TPO: variants seen among roughly 807,000 people sequenced by gnomAD.
TPO encodes thyroid peroxidase.
TPO carries 78 observed loss-of-function variants against 96.9 expected under a neutral mutation model. That is an observed-to-expected ratio of 0.81 (90% confidence interval 0.67 to 0.97). The LOEUF (loss-of-function observed/expected upper bound fraction) is 0.97, where lower values mean the gene tolerates loss of function less well. Among genes scored for constraint, TPO ranks in the 50% least tolerant of loss-of-function variants. The pLI, the probability that TPO is intolerant of heterozygous loss-of-function variation, is 0.00. For missense variants in TPO, 1,252 were observed against 1,274.8 expected, an observed-to-expected ratio of 0.98 and a Z score of 0.27; for synonymous variants, 547 against 538.0, an observed-to-expected ratio of 1.02 and a Z score of -0.23.
chr2:1,456,087 G>A lies in TPO; in HGVS notation c.624G>A (p.Val208=), dbSNP rs1667757636. 1 of 1,613,784 alleles carries A rather than the reference G, an allele frequency of 6.2e-7. No individual in the cohort carries two copies. Among genetic ancestry groups the A allele is most frequent in the African/African-American group, 1.3e-5 (1 of 74,920 alleles). The change falls in exon 7 of 17, where the codon GTG becomes GTA. Residue 208 remains valine (V), a synonymous_variant. Transcript: ENST00000329066. ...CTCTTCCTACCCAGGTCCGGGAGGTGACAAGACATGTCATTCAAGTTTCAA... is the reference window on the plus strand; with the variant it reads ...CTCTTCCTACCCAGGTCCGGGAGGTAACAAGACATGTCATTCAAGTTTCAA... ...NGFPLPPVRE[V]TRHVIQVSNE...
chr2:1,523,765 G>A (rs918326684), intron 15 of TPO, among the ~76,000 whole-genome samples: 3 of 83,460 alleles, frequency 3.6e-5, no homozygotes, highest in South Asian at 3.9e-4. Flanking sequence ...TACCGCCACT[G>A]TGTGCAACCT....
rs746900260 is a variant in TPO at position 1,484,981 on chromosome 2, A to G, written c.1597+127A>G. The G allele has an allele frequency of 7.0e-6, 10 of 1,428,220 alleles. No individual in the cohort carries two copies. The African/African-American group carries it at 7.2e-5, about 10-fold the overall frequency. 88.5% of individuals were successfully genotyped at this position (1,428,220 alleles called of 1,614,324 possible). A position where few individuals can be genotyped will look rare whatever the true frequency, so the allele number is the denominator to read the frequency against. On this transcript the variant is annotated intron_variant, in intron 9 of 16. Coordinates refer to ENST00000329066, the MANE Select transcript of TPO (RefSeq NM_001206744.2). Reference sequence around the variant, plus strand: ...TGCAGGTTTGTTACGTAGGGTATACATGTGCCATGTTGGTTTGCTGTACCC... The same window carrying G: ...TGCAGGTTTGTTACGTAGGGTATACGTGTGCCATGTTGGTTTGCTGTACCC...
intron 2 of TPO, among the ~76,000 whole-genome samples, chr2:1,422,583 A>G (rs1419872350): frequency 1.3e-5 from 2 of 152,238 alleles, no homozygotes; most frequent in Non-Finnish European, 1.5e-5. Flanking sequence ...GGTGATACCC[A>G]GAAATGGGAT....
intron 1 of TPO, among the ~76,000 whole-genome samples, chr2:1,375,808 T>C (rs1232866323): frequency 1.3e-5 from 2 of 152,128 alleles, no homozygotes; most frequent in Non-Finnish European, 2.9e-5. Context: ...GATTCTAAAC[T>C]CTAGTTCTGG....
At chr2:1,393,805 A>G (rs1181539407) in intron 1 of TPO, among the ~76,000 whole-genome samples, 2 of 152,258 alleles carry the variant, frequency 1.3e-5, no homozygotes, top group Non-Finnish European at 2.9e-5. Flanking sequence ...ATATATTAGA[A>G]TACATGAGAA....
chr2:1,505,200 C>CTGGG (rs1673279808), intron 14 of TPO, among the ~76,000 whole-genome samples: 1 of 152,164 alleles, frequency 6.6e-6, no homozygotes, highest in South Asian at 2.1e-4. Flanking sequence ...AAGCTACATC[C>CTGGG]GCTTGACTGG....
Position 1,521,243 on chromosome 2 carries a change from G to A in TPO, c.2618+4261G>A, listed in dbSNP as rs1455412752. The stretch of plus-strand genomic sequence containing the variant: ...TAGGATGCAGCCAGGTTTGTCCTCC[G>A]TCCAGGACGTCTAACCCTTTGTTCC... On this transcript the variant is annotated intron_variant, in intron 15 of 16. Transcript: ENST00000329066. Among the ~76,000 whole-genome samples the A allele has an allele frequency of 3.9e-5, 6 of 152,306 alleles. No homozygotes were observed. In the South Asian group the frequency reaches 6.2e-4, roughly 16 times the overall value.
intron 8 of TPO, chr2:1,478,357 G>C: frequency 6.1e-6 from 6 of 985,474 alleles, no homozygotes; most frequent in Non-Finnish European, 6.0e-6. Flanking sequence ...ACCAGGCCCT[G>C]TGGCGGCCTG....
intron 7 of TPO, among the ~76,000 whole-genome samples, chr2:1,463,795 T>C (rs1425517594): frequency 1.3e-5 from 2 of 152,218 alleles, no homozygotes; most frequent in Admixed American, 1.3e-4. Flanking sequence ...TATGAATGTA[T>C]CGACAACCTC....
intron 15 of TPO, among the ~76,000 whole-genome samples, chr2:1,538,485 A>C (rs1038779064): frequency 6.6e-6 from 1 of 152,074 alleles, no homozygotes; most frequent in Non-Finnish European, 1.5e-5. Flanking sequence ...TATAGAAAAT[A>C]ATTTAAAAAG....
intron 15 of TPO, 35 bp from the exon 16 acceptor site, chr2:1,540,559 C>G: frequency 6.2e-7 from 1 of 1,610,778 alleles, no homozygotes; most frequent in Non-Finnish European, 8.5e-7. Flanking sequence ...CGGTGCCGGA[C>G]CCTCTCCCGA....
In TPO at chr2:1,453,706, A is replaced by T; in HGVS notation, c.495A>T (p.Arg165Ser). The T allele has an allele frequency of 6.2e-7, 1 of 1,613,898 alleles. No individual in the cohort carries two copies. The change falls in exon 6 of 17, where the codon AGA (arginine) becomes AGT (serine). Residue 165 changes from arginine (R) to serine (S), a missense_variant. Arg to Ser is a moderately radical substitution (Grantham distance 110). Transcript: ENST00000329066. ...TGACNNRDHP[R>S]WGASNTALAR... ...TTTGTCTCCACAGAGACCACCCCAG[A>T]TGGGGCGCCTCCAACACGGCCCTGG... is the stretch of plus-strand genomic sequence containing the variant.
intron 7 of TPO, among the ~76,000 whole-genome samples, chr2:1,461,769 CTGCACACACCTCACA>C (rs1463377639): frequency 1.3e-5 from 2 of 152,068 alleles, no homozygotes; most frequent in Non-Finnish European, 2.9e-5. Flanking sequence ...ACACACACAC[CTGCACACACCTCACA>C]TGCACACAGC....
intron 15 of TPO, among the ~76,000 whole-genome samples, chr2:1,524,322 A>C (rs1329014239): frequency 4.8e-5 from 6 of 126,236 alleles, no homozygotes; most frequent in Admixed American, 1.7e-4. Context: ...CAACCACCCC[A>C]AATCCCCCTA....
chr2:1,519,551 T>C (rs1030455862), intron 15 of TPO, among the ~76,000 whole-genome samples: 3 of 152,200 alleles, frequency 2.0e-5, no homozygotes, highest in African/African-American at 7.2e-5. Context: ...GATGGGGTGG[T>C]GGCAGGAAAT....
intron 1 of TPO, among the ~76,000 whole-genome samples, chr2:1,390,192 C>T (rs971491037): frequency 4.6e-5 from 7 of 152,120 alleles, no homozygotes; most frequent in African/African-American, 1.2e-4. Flanking sequence ...TGACAGGCCC[C>T]GGTGTGCAAT....
intron 5 of TPO, among the ~76,000 whole-genome samples, chr2:1,443,016 G>A (rs921918278): frequency 3.9e-5 from 6 of 152,194 alleles, no homozygotes; most frequent in African/African-American, 9.6e-5. Flanking sequence ...TCGGGGGATC[G>A]CTTGAGCCCA....
intron 1 of TPO, among the ~76,000 whole-genome samples, chr2:1,392,749 C>T (rs1339861216): frequency 3.3e-5 from 5 of 152,046 alleles, no homozygotes; most frequent in Non-Finnish European, 5.9e-5. Flanking sequence ...AGGAATTTAT[C>T]CTTTTCTTCT....
intron 15 of TPO, among the ~76,000 whole-genome samples, chr2:1,540,086 C>T (rs1680552395): frequency 6.6e-6 from 1 of 152,192 alleles, no homozygotes. Flanking sequence ...GCTCTCCACG[C>T]CTCCCAGAGA....
Sources: gnomAD v4.1 joint callset for allele counts (sites outside exome capture counted in the v4.1 genomes callset) on GRCh38, gnomAD v4.1.1 for gene constraint, MANE v1.5 for transcripts, NCBI Gene and HGNC (gene_info 2026-07-23, HGNC 2026-07-21) for gene names.